DIPK2A: variants seen among roughly 807,000 people sequenced by gnomAD.
DIPK2A encodes the protein Golgi Protein of 49 kDa.
In DIPK2A, 27 loss-of-function variants were observed where a neutral mutation model predicts 39.0. That is an observed-to-expected ratio of 0.69 (90% CI 0.51 to 0.96). DIPK2A has a LOEUF of 0.96. Ranked by LOEUF, DIPK2A falls within the 40% of genes least tolerant of loss-of-function variation. The probability of loss-of-function intolerance (pLI) is 0.00; values close to 1 mark genes in which losing one functional copy is unlikely to be tolerated. For missense variants in DIPK2A, 528 were observed against 571.3 expected (o/e 0.92, Z 0.77); for synonymous variants, 298 against 240.8 (o/e 1.24, Z -2.20).
chr3:143,973,139 G>C, intron 1 of DIPK2A, 150 bp downstream of exon 1: 1 of 1,170,920 alleles, frequency 8.5e-7, no homozygotes, highest in Admixed American at 2.0e-5. Context: ...GTCTCCGGGG[G>C]AGCCCCGGGG....
chr3:143,979,890 G>T (rs991930511), intron 1 of DIPK2A, among the ~76,000 whole-genome samples: 1 of 152,228 alleles, frequency 6.6e-6, no homozygotes, highest in East Asian at 1.9e-4. Flanking sequence ...TTTGAGGTGG[G>T]TGGAAAATGG....
At chr3:143,974,143 A>C (rs1389454912) in intron 1 of DIPK2A, among the ~76,000 whole-genome samples, 2 of 150,932 alleles carry the variant, frequency 1.3e-5, no homozygotes, top group Non-Finnish European at 3.0e-5. Context: ...TTATTTTTCT[A>C]AAATGCATGA....
rs1325283255 is a variant in DIPK2A at position 143,991,853 on chromosome 3, G to A, written c.*2012G>A. The A allele has an allele frequency of 1.3e-5, 2 of 152,176 alleles. No homozygotes were observed. Among genetic ancestry groups the A allele is most frequent in the Non-Finnish European group, 2.9e-5 (2 of 68,002 alleles). 9.4% of individuals were successfully genotyped at this position (152,176 alleles called of 1,614,324 possible). A position where few individuals can be genotyped will look rare whatever the true frequency, so the allele number is the denominator to read the frequency against. The stretch of plus-strand genomic sequence containing the variant: ...TAAACCTTATAATACCAGTCACAAA[G>A]AGGTTGTCTGTCTATGGTTTAGCAA... On this transcript the variant is annotated 3_prime_UTR_variant, in exon 3 of 3. Transcript: ENST00000315691.
intron 1 of DIPK2A, among the ~76,000 whole-genome samples, chr3:143,979,186 A>T (rs2087792575): frequency 6.6e-6 from 1 of 152,130 alleles, no homozygotes; most frequent in Non-Finnish European, 1.5e-5. Flanking sequence ...CCTTACATAT[A>T]CGTAAATCAT....
Position 143,972,455 on chromosome 3 carries a change from C to A in DIPK2A, c.123C>A (p.Arg41=). Residue 41 remains arginine (R), a synonymous_variant, in exon 1 of 3, where the codon CGC becomes CGA. Coordinates refer to ENST00000315691, the MANE Select transcript of DIPK2A (RefSeq NM_173552.5). ...CGTCGCTGCTCGCCTCTTGGCAGCG[C>A]AACGAACTGACCGACCGGCGCTTCC... ...HSPSLLASWQ[R]NELTDRRFLQ... is the part of the protein sequence containing the mutation. 6.2e-7 allele frequency: 1 copy of A among 1,600,980 alleles called. No individual in the cohort carries two copies. Among genetic ancestry groups the A allele is most frequent in the South Asian group, 1.1e-5 (1 of 89,558 alleles).
chr3:143,973,642 C>A, intron 1 of DIPK2A: 1 of 1,105,020 alleles, frequency 9.0e-7, no homozygotes, highest in Non-Finnish European at 1.3e-6. Context: ...GGACTTGGGG[C>A]TGGGAGGGCT....
intron 2 of DIPK2A, chr3:143,986,123 C>A: frequency 2.9e-6 from 1 of 345,206 alleles, no homozygotes; most frequent in Middle Eastern, 8.4e-4. Context: ...CTTAGACATA[C>A]TCAGAACACT....
At position 143,985,911 on chromosome 3, in the gene DIPK2A, T is replaced by C. The variant is rs960712594; in HGVS notation, c.961+65T>C. ...CCTATGTCAAAATAATGTTTATACT[T>C]GTATGAAATGAGCCTTGAATTTCCT... is the stretch of plus-strand genomic sequence containing the variant. On this transcript the variant is annotated intron_variant, in intron 2 of 2. Transcript: ENST00000315691. The C allele has an allele frequency of 6.0e-6, 8 of 1,326,502 alleles. No homozygotes were observed. In the Admixed American group the frequency reaches 1.1e-4, roughly 18 times the overall value. The allele number at this position is 1,326,502 out of a possible 1,614,324, so 82.2% of individuals were successfully genotyped here. A position where few individuals can be genotyped will look rare whatever the true frequency, so the allele number is the denominator to read the frequency against.
rs887474886 is a variant in DIPK2A, at chr3:143,973,602, A to C, written c.657+613A>C. Reference sequence around the variant, plus strand: ...TGAGCCGAGCTTTGGGTGGGATTAGAATCAGAAACAGGAAAAGTAAGGCAG... The same window carrying C: ...TGAGCCGAGCTTTGGGTGGGATTAGCATCAGAAACAGGAAAAGTAAGGCAG... On this transcript the variant is annotated intron_variant, in intron 1 of 2. Transcript: ENST00000315691. The C allele has an allele frequency of 3.4e-6, 5 of 1,465,218 alleles. No homozygotes were observed. The African/African-American group carries it at 7.0e-5, about 21-fold the overall frequency. 90.8% of individuals were successfully genotyped at this position (1,465,218 alleles called of 1,614,324 possible). A position where few individuals can be genotyped will look rare whatever the true frequency, so the allele number is the denominator to read the frequency against.
At position 143,985,664 on chromosome 3, in the gene DIPK2A, G is replaced by A; in HGVS notation, c.779G>A (p.Arg260Gln). The A allele has an allele frequency of 6.2e-7, 1 of 1,614,110 alleles. No individual in the cohort carries two copies. The highest frequency in any genetic ancestry group is 1.1e-5 in the South Asian group (1 of 91,084). Residue 260 changes from arginine to glutamine, a missense_variant, in exon 2 of 3, where the codon CGA (arginine) becomes CAA (glutamine). Transcript: ENST00000315691. ...TACTTTAATGCGCCATGGGAAAAAC[G>A]AGTTGACCTCGCTTGGCAATTAATG... is the stretch of plus-strand genomic sequence containing the variant. The part of the protein sequence containing the change: ...WSYFNAPWEK[R>Q]VDLAWQLMEI...
chr3:143,984,017 T>A (rs2087864442), intron 1 of DIPK2A, among the ~76,000 whole-genome samples: 2 of 152,248 alleles, frequency 1.3e-5, no homozygotes, highest in Admixed American at 6.5e-5. Flanking sequence ...TGCGCTTTTA[T>A]CTTACGGTGA....
chr3:143,973,096 G>T lies in DIPK2A; in HGVS notation c.657+107G>T, dbSNP rs1023064366. ...GCTTGCCGCCAGTTCGGACTCGGCC[G>T]GGCTGGGCCAGGCTGCAGGCGTGGG... On this transcript the variant is annotated intron_variant, in intron 1 of 2. Coordinates refer to ENST00000315691, the MANE Select transcript of DIPK2A (RefSeq NM_173552.5). 2.1e-6 allele frequency: 3 copies of T among 1,410,790 alleles called. No homozygotes were observed. The Admixed American group carries it at 6.1e-5, about 28-fold the overall frequency. The allele number at this position is 1,410,790 out of a possible 1,614,324, so 87.4% of individuals were successfully genotyped here.
Position 143,972,669 on chromosome 3 carries a change from G to C in DIPK2A, c.337G>C (p.Gly113Arg), listed in dbSNP as rs1559851805. Residue 113 changes from glycine (G) to arginine (R), a missense_variant, in exon 1 of 3, where the codon GGC becomes CGC. Physicochemically the swap from Gly to Arg is moderately radical, Grantham distance 125. Transcript: ENST00000315691. ...GRRRVVLKRL[G>R]SQRELAQLDQ... ...CCGCCGAGTGGTGCTCAAGCGCCTC[G>C]GCTCGCAGCGCGAGCTGGCGCAGCT... 2 of 1,609,106 alleles carry C rather than the reference G, an allele frequency of 1.2e-6. No homozygotes were observed. Among genetic ancestry groups the C allele is most frequent in the South Asian group, 1.1e-5 (1 of 90,890 alleles).
chr3:143,988,376 A>G (rs1433361435), intron 2 of DIPK2A, among the ~76,000 whole-genome samples: 1 of 152,148 alleles, frequency 6.6e-6, no homozygotes, highest in East Asian at 1.9e-4. Flanking sequence ...CTGGGATTAC[A>G]GATGTGAGCC....
intron 1 of DIPK2A, among the ~76,000 whole-genome samples, chr3:143,983,008 G>C (rs139340585): frequency 1.3e-5 from 2 of 152,100 alleles, no homozygotes; most frequent in Non-Finnish European, 2.9e-5. Flanking sequence ...ATGGTAAACG[G>C]ATCAATGCAA....
chr3:143,976,551 TGTGTGAGAGAGA>T (rs1347214096), intron 1 of DIPK2A, among the ~76,000 whole-genome samples: 9 of 96,568 alleles, frequency 9.3e-5, no homozygotes, highest in Non-Finnish European at 1.8e-4. Context: ...TGTGTGTGTG[TGTGTGAGAGAGA>T]GAGAGAGAGA....
In DIPK2A at chr3:143,991,342, C is replaced by A. The variant is rs986967304; in HGVS notation, c.*1501C>A. 4 of 152,728 alleles carry A rather than the reference C, an allele frequency of 2.6e-5. No individual in the cohort carries two copies. The highest frequency in any genetic ancestry group is 3.4e-3 in the Middle Eastern group (1 of 294). 9.5% of individuals were successfully genotyped at this position (152,728 alleles called of 1,614,324 possible). ...CATCAACTCTGTGCCAGGCACGTTA[C>A]TAGCTGCTACATACTGTCTGAACAT... is the stretch of plus-strand genomic sequence containing the variant. On this transcript the variant is annotated 3_prime_UTR_variant, in exon 3 of 3. Transcript: ENST00000315691.
intron 1 of DIPK2A, among the ~76,000 whole-genome samples, chr3:143,982,435 G>A (rs2087838854): frequency 6.6e-6 from 1 of 152,130 alleles, no homozygotes; most frequent in Non-Finnish European, 1.5e-5. Context: ...AGAGAGTGGG[G>A]ACCAATATTC....
At chr3:143,980,569 C>T (rs935365537) in intron 1 of DIPK2A, among the ~76,000 whole-genome samples, 9 of 151,994 alleles carry the variant, frequency 5.9e-5, no homozygotes, top group Non-Finnish European at 1.2e-4. Context: ...CGCCTGGCCC[C>T]TTTAAGCATT....
Sources: gnomAD v4.1 joint callset for allele counts (sites outside exome capture counted in the v4.1 genomes callset) on GRCh38, gnomAD v4.1.1 for gene constraint, MANE v1.5 for transcripts, NCBI Gene and HGNC (gene_info 2026-07-23, HGNC 2026-07-21) for gene names.